Variants in CNTNAP2 observed in about 807,000 individuals in gnomAD.
CNTNAP2 encodes the protein contactin-associated protein-like 2.
In CNTNAP2, 98 loss-of-function variants were observed where a neutral mutation model predicts 155.2. The ratio of observed to expected loss-of-function variants is 0.63; its 90% confidence interval spans 0.54 to 0.75. The LOEUF (loss-of-function observed/expected upper bound fraction) is 0.75, where lower values mean the gene tolerates loss of function less well. CNTNAP2 is among the 30% of genes least tolerant of loss of function. The probability of loss-of-function intolerance (pLI) is 0.00; values close to 1 mark genes in which losing one functional copy is unlikely to be tolerated. For missense variants in CNTNAP2, 1,727 were observed against 1,688.1 expected (o/e 1.02, Z -0.40); for synonymous variants, 651 against 631.2 (o/e 1.03, Z -0.47).
chr7:146,379,611 C>T (rs945296727), intron 1 of CNTNAP2, among the ~76,000 whole-genome samples: 5 of 152,110 alleles, frequency 3.3e-5, no homozygotes, highest in Non-Finnish European at 7.3e-5. Flanking sequence ...ATGGGGCTTC[C>T]ATTGTTCACT....
At chr7:147,772,491 C>CA (rs1193910514) in intron 13 of CNTNAP2, among the ~76,000 whole-genome samples, 48 of 105,666 alleles carry the variant, frequency 4.5e-4, no homozygotes, top group South Asian at 9.1e-4. Context: ...TATACACACA[C>CA]AAAAAAAAAA....
chr7:146,673,914 A>T (rs1213059476), intron 1 of CNTNAP2, among the ~76,000 whole-genome samples: 1 of 152,138 alleles, frequency 6.6e-6, no homozygotes, highest in Non-Finnish European at 1.5e-5. Flanking sequence ...CAAACCCAAG[A>T]TCAAATTAGC....
At chr7:146,870,503 G>T (rs886306467) in intron 3 of CNTNAP2, among the ~76,000 whole-genome samples, 15 of 152,032 alleles carry the variant, frequency 9.9e-5, no homozygotes, top group African/African-American at 3.4e-4. Flanking sequence ...CAAACATTAT[G>T]AAAATGAATT....
At chr7:148,044,441 C>T (rs1375649707) in intron 15 of CNTNAP2, among the ~76,000 whole-genome samples, 1 of 152,088 alleles carries the variant, frequency 6.6e-6, no homozygotes, top group Non-Finnish European at 1.5e-5. Context: ...ATGTCTCTAT[C>T]CTCCTAAAAT....
intron 11 of CNTNAP2, among the ~76,000 whole-genome samples, chr7:147,544,327 C>CA (rs576462569): frequency 1.6e-3 from 248 of 151,092 alleles, no homozygotes; most frequent in Non-Finnish European, 3.0e-3. Context: ...CCCAGACTTC[C>CA]AAAAAAAAAT....
chr7:147,173,949 A>C (rs1157245654), intron 8 of CNTNAP2, among the ~76,000 whole-genome samples: 1 of 152,158 alleles, frequency 6.6e-6, no homozygotes, highest in Non-Finnish European at 1.5e-5. Context: ...AAAATGATAC[A>C]GAATCATGTA....
At chr7:148,235,685 A>ATTTTTTTTTTTTTTTT (rs398006723) in intron 20 of CNTNAP2, among the ~76,000 whole-genome samples, 1 of 121,988 alleles carries the variant, frequency 8.2e-6, no homozygotes, top group African/African-American at 3.1e-5. Flanking sequence ...TGCAGCAATT[A>ATTTTTTTTTTTTTTTT]TTTTTTTTTT....
At chr7:147,448,584 G>C (rs960185238) in intron 10 of CNTNAP2, among the ~76,000 whole-genome samples, 2 of 150,950 alleles carry the variant, frequency 1.3e-5, no homozygotes, top group African/African-American at 2.4e-5. Flanking sequence ...CAAAAATATT[G>C]GTTCCTGATC....
intron 10 of CNTNAP2, among the ~76,000 whole-genome samples, chr7:147,442,522 T>C (rs1797660587): frequency 6.6e-6 from 1 of 152,160 alleles, no homozygotes; most frequent in South Asian, 2.1e-4. Context: ...AGCTGGTACC[T>C]AAGATGCAAG....
rs1292601580 is a variant in CNTNAP2, at chr7:147,486,039, A to G, written c.1775A>G (p.Asn592Ser). ...ETGYSGATCHNSIYEPSCEAY... is the reference protein window; with the variant it reads ...ETGYSGATCHSSIYEPSCEAY... ...GGATACAGTGGGGCCACCTGCCACA[A>G]CTGTGAGTGCCAATTTATCTCACTT... The change falls in exon 11 of 24, where the codon AAC becomes AGC. Residue 592 changes from asparagine (N) to serine (S), a missense_variant and splice_region_variant. Transcript: ENST00000361727. 1.9e-6 allele frequency: 3 copies of G among 1,613,042 alleles called. No homozygotes were observed. The highest frequency in any genetic ancestry group is 2.2e-5 in the South Asian group (2 of 91,046).
intron 12 of CNTNAP2, among the ~76,000 whole-genome samples, chr7:147,590,329 C>T (rs907339001): frequency 3.3e-5 from 5 of 152,036 alleles, no homozygotes; most frequent in Non-Finnish European, 7.4e-5. Flanking sequence ...AATCCCAATG[C>T]ATCAAGGGCG....
intron 1 of CNTNAP2, among the ~76,000 whole-genome samples, chr7:146,601,558 T>C (rs1355002672): frequency 1.3e-5 from 2 of 152,124 alleles, no homozygotes; most frequent in African/African-American, 2.4e-5. Flanking sequence ...CATATTTATG[T>C]TAATATAAAA....
intron 1 of CNTNAP2, among the ~76,000 whole-genome samples, chr7:146,136,227 C>T (rs193148667): frequency 6.6e-6 from 1 of 152,214 alleles, no homozygotes; most frequent in African/African-American, 2.4e-5. Context: ...TGATTTTTTA[C>T]ATTGCATACT....
chr7:146,412,081 C>G (rs909747278), intron 1 of CNTNAP2, among the ~76,000 whole-genome samples: 3 of 152,116 alleles, frequency 2.0e-5, no homozygotes, highest in African/African-American at 7.2e-5. Flanking sequence ...GATCCACTCA[C>G]CTTGGCCTCC....
At chr7:148,406,550 G>T (rs545602790) in intron 22 of CNTNAP2, among the ~76,000 whole-genome samples, 2 of 152,294 alleles carry the variant, frequency 1.3e-5, no homozygotes, top group Non-Finnish European at 2.9e-5. Flanking sequence ...CCTTCAAAAG[G>T]CAGGGTAGAG....
At chr7:147,734,433 G>A (rs1358638221) in intron 13 of CNTNAP2, among the ~76,000 whole-genome samples, 1 of 152,126 alleles carries the variant, frequency 6.6e-6, no homozygotes, top group African/African-American at 2.4e-5. Context: ...TTTTATTGGG[G>A]ATTTTTGCAT....
At chr7:147,009,272 T>A (rs1798580791) in intron 3 of CNTNAP2, among the ~76,000 whole-genome samples, 1 of 152,154 alleles carries the variant, frequency 6.6e-6, no homozygotes, top group Non-Finnish European at 1.5e-5. Context: ...AATGTTCTGA[T>A]AATCATCCGA....
intron 9 of CNTNAP2, among the ~76,000 whole-genome samples, chr7:147,325,555 T>A (rs1296009133): frequency 6.6e-6 from 1 of 152,150 alleles, no homozygotes; most frequent in Non-Finnish European, 1.5e-5. Context: ...GAACTGAAAA[T>A]GAAGCGTAAC....
At chr7:147,214,085 G>A (rs767472504) in intron 8 of CNTNAP2, among the ~76,000 whole-genome samples, 8 of 151,978 alleles carry the variant, frequency 5.3e-5, no homozygotes, top group African/African-American at 1.5e-4. Flanking sequence ...ATCCCTTACC[G>A]GTTCTCTTGG....
Sources: allele counts gnomAD v4.1 joint callset (sites outside exome capture counted in the v4.1 genomes callset), GRCh38; gene constraint gnomAD v4.1.1; transcripts MANE v1.5; gene names NCBI Gene and HGNC (gene_info 2026-07-23, HGNC 2026-07-21).